The following TACR3 variants were observed in gnomAD, a reference collection of about 807,000 sequenced individuals.
The protein encoded by TACR3 is tachykinin receptor 3, also known as neuromedin-K receptor.
A neutral mutation model predicts 35.0 loss-of-function variants in TACR3; 34 were observed. That is an observed-to-expected ratio of 0.97 (90% CI 0.74 to 1.30). The LOEUF is 1.30. Ranked by LOEUF, TACR3 falls within the 50% of genes most tolerant of loss-of-function variation. The probability of loss-of-function intolerance (pLI) is 0.00; values close to 1 mark genes in which losing one functional copy is unlikely to be tolerated. For missense variants in TACR3, 558 were observed against 591.7 expected (o/e 0.94, Z 0.59); for synonymous variants, 233 against 221.1 (o/e 1.05, Z -0.48).
chr4:103,715,728 T>C (rs1022583945), intron 1 of TACR3, among the ~76,000 whole-genome samples: 4 of 152,164 alleles, frequency 2.6e-5, no homozygotes, highest in South Asian at 2.1e-4. Context: ...TCTCAAAGCA[T>C]GTGCTTAGAA....
chr4:103,592,850 C>A (rs1399555201), intron 3 of TACR3, among the ~76,000 whole-genome samples: 1 of 152,034 alleles, frequency 6.6e-6, no homozygotes, highest in African/African-American at 2.4e-5. Flanking sequence ...TAGAAATAGG[C>A]AAAGCATGAA....
intron 3 of TACR3, among the ~76,000 whole-genome samples, chr4:103,605,939 A>T (rs1724347973): frequency 6.6e-6 from 1 of 152,058 alleles, no homozygotes; most frequent in Non-Finnish European, 1.5e-5. Flanking sequence ...GTTTTCTTCT[A>T]GGGTTTTTAT....
chr4:103,653,412 A>G (rs1725666080), intron 3 of TACR3, among the ~76,000 whole-genome samples: 1 of 152,124 alleles, frequency 6.6e-6, no homozygotes, highest in Non-Finnish European at 1.5e-5. Flanking sequence ...CTAGAAAAAC[A>G]TTACATGCAT....
At chr4:103,656,748 C>T (rs1350439430) in intron 2 of TACR3, among the ~76,000 whole-genome samples, 1 of 151,928 alleles carries the variant, frequency 6.6e-6, no homozygotes. Context: ...TATGTTTTCT[C>T]CTATATAGGA....
chr4:103,690,575 G>A (rs1722381248), intron 1 of TACR3, among the ~76,000 whole-genome samples: 2 of 152,014 alleles, frequency 1.3e-5, no homozygotes, highest in African/African-American at 4.8e-5. Context: ...TTTACTAATA[G>A]AAGAATTAGA....
At chr4:103,629,893 CA>C (rs1216728830) in intron 3 of TACR3, among the ~76,000 whole-genome samples, 1 of 98,664 alleles carries the variant, frequency 1.0e-5, no homozygotes, top group African/African-American at 4.2e-5. Context: ...ACAACAACAA[CA>C]AAAAAAAACA....
chr4:103,630,758 TG>T (rs1336998848), intron 3 of TACR3, among the ~76,000 whole-genome samples: 1 of 152,196 alleles, frequency 6.6e-6, no homozygotes, highest in Non-Finnish European at 1.5e-5. Flanking sequence ...TCAACCATTG[TG>T]GAAGACAGTG....
At chr4:103,674,182 G>A (rs1056799133) in intron 1 of TACR3, among the ~76,000 whole-genome samples, 9 of 152,084 alleles carry the variant, frequency 5.9e-5, no homozygotes, top group Admixed American at 2.0e-4. Flanking sequence ...CTGTAGTGAG[G>A]AACAGATTTC....
At chr4:103,701,632 C>G (rs1722650585) in intron 1 of TACR3, among the ~76,000 whole-genome samples, 3 of 152,180 alleles carry the variant, frequency 2.0e-5, no homozygotes, top group Admixed American at 6.5e-5. Flanking sequence ...AGGCATCACA[C>G]TACCTGACTT....
intron 3 of TACR3, among the ~76,000 whole-genome samples, chr4:103,601,347 A>G (rs547680248): frequency 4.6e-5 from 7 of 152,240 alleles, no homozygotes; most frequent in South Asian, 2.1e-4. Flanking sequence ...CCAATTTGCC[A>G]GTCTGAGTCT....
intron 1 of TACR3, among the ~76,000 whole-genome samples, chr4:103,714,741 G>A (rs142434515): frequency 1.1e-3 from 165 of 152,082 alleles, no homozygotes; most frequent in South Asian, 2.9e-3. Context: ...ATTAAAGACC[G>A]AAAAAGGATT....
In TACR3 at chr4:103,658,553, C is replaced by T. The variant is rs76171639; in HGVS notation, c.549-150G>A. 6.8e-3 allele frequency: 4,702 copies of T among 688,646 alleles called. 171 individuals carry two copies. The African/African-American group carries it at 0.072, about 11-fold the overall frequency. The allele number at this position is 688,646 out of a possible 1,614,324, so 42.7% of individuals were successfully genotyped here. ...ATAAGGACTGCTTGAGTAGAGGCAG[C>T]GTAGAATGGTAATCATGGCATAGTC... On this transcript the variant is annotated intron_variant, in intron 1 of 4. Coordinates refer to ENST00000304883, the MANE Select transcript of TACR3 (RefSeq NM_001059.3).
intron 1 of TACR3, among the ~76,000 whole-genome samples, chr4:103,706,242 G>T (rs1382702050): frequency 6.6e-6 from 1 of 152,160 alleles, no homozygotes; most frequent in Non-Finnish European, 1.5e-5. Context: ...AAGTAGAAAT[G>T]TCAAGGAGGT....
chr4:103,643,965 G>A (rs1016783520), intron 3 of TACR3, among the ~76,000 whole-genome samples: 1 of 150,974 alleles, frequency 6.6e-6, no homozygotes, highest in Non-Finnish European at 1.5e-5. Flanking sequence ...TCCTCCTAAT[G>A]TTTATCTTTT....
rs1726058916 is a variant in TACR3, at chr4:103,671,629, G to GTAA, written c.549-13229_549-13227dup. Among the ~76,000 whole-genome samples, 3 of 151,976 alleles carry GTAA rather than the reference G, an allele frequency of 2.0e-5. No individual in the cohort carries two copies. The South Asian group carries it at 6.2e-4, about 32-fold the overall frequency. On this transcript the variant is annotated intron_variant, in intron 1 of 4. Transcript: ENST00000304883. ...CCTTTAAATTTTTGAGCTATCAATT[G>GTAA]TAATATCTAATTTTTCAACTCTGAT...
intron 3 of TACR3, 26 bp downstream of exon 3, chr4:103,656,168 G>A (rs373465053): frequency 5.6e-6 from 9 of 1,611,554 alleles, no homozygotes; most frequent in Non-Finnish European, 6.8e-6. Context: ...CTATACAAAT[G>A]CTAGGTAAAC....
intron 3 of TACR3, among the ~76,000 whole-genome samples, chr4:103,652,846 A>G (rs529800306): frequency 9.3e-4 from 141 of 152,170 alleles, no homozygotes; most frequent in Non-Finnish European, 1.2e-3. Context: ...TCCAGGGTAG[A>G]ACTTCTGTGT....
At chr4:103,715,248 G>T (rs1213629147) in intron 1 of TACR3, among the ~76,000 whole-genome samples, 7 of 152,186 alleles carry the variant, frequency 4.6e-5, no homozygotes, top group East Asian at 1.9e-4. Flanking sequence ...GGAGAGAGGT[G>T]ATTGGATCAT....
chr4:103,610,683 T>C (rs1351207133), intron 3 of TACR3, among the ~76,000 whole-genome samples: 1 of 152,172 alleles, frequency 6.6e-6, no homozygotes, highest in African/African-American at 2.4e-5. Context: ...TTTTGAGGTC[T>C]TATTCAAAAT....
Sources: gnomAD v4.1 joint callset for allele counts (sites outside exome capture counted in the v4.1 genomes callset) on GRCh38, gnomAD v4.1.1 for gene constraint, MANE v1.5 for transcripts, NCBI Gene and HGNC (gene_info 2026-07-23, HGNC 2026-07-21) for gene names.